Variants in TNFAIP2 observed in about 807,000 individuals in gnomAD.
TNFAIP2 encodes TNF alpha induced protein 2, also known as tumor necrosis factor alpha-induced protein 2.
TNFAIP2 carries 47 observed loss-of-function variants against 63.5 expected under a neutral mutation model. That is an observed-to-expected ratio of 0.74 (90% CI 0.59 to 0.94). The LOEUF is 0.94. Ranked by LOEUF, TNFAIP2 falls within the 40% of genes least tolerant of loss-of-function variation. The pLI is 0.00. For synonymous variants in TNFAIP2, 405 were observed against 390.2 expected (o/e 1.04, Z -0.45); for missense variants, 787 against 850.2 (o/e 0.93, Z 0.92).
Position 103,130,267 on chromosome 14 carries a change from C to T in TNFAIP2, c.1099-48C>T, listed in dbSNP as rs1476160417. 2.6e-6 allele frequency: 4 copies of T among 1,536,568 alleles called. No homozygotes were observed. The South Asian group carries it at 4.8e-5, about 18-fold the overall frequency. ...CCTGTTTCCTCCCCGTCCCCTGCCC[C>T]CTTGTCCAGGCGAGCCCCTGCTCAG... On this transcript the variant is annotated intron_variant, in intron 5 of 11. Coordinates refer to ENST00000560869, the MANE Select transcript of TNFAIP2 (RefSeq NM_006291.4).
chr14:103,132,743 G>A lies in TNFAIP2; in HGVS notation c.1423-7G>A. On this transcript the variant is annotated splice_polypyrimidine_tract_variant and splice_region_variant and intron_variant, in intron 8 of 11. Coordinates refer to ENST00000560869, the MANE Select transcript of TNFAIP2 (RefSeq NM_006291.4). ...CGTGACTAGACATCCTGCCTCTCCT[G>A]TCTCAGCCACTGTTCAAGAGGTTCA... The A allele has an allele frequency of 1.2e-6, 2 of 1,611,964 alleles. No individual in the cohort carries two copies. The highest frequency in any genetic ancestry group is 1.7e-6 in the Non-Finnish European group (2 of 1,179,226).
Position 103,131,647 on chromosome 14 carries a change from T to C in TNFAIP2, c.1307T>C (p.Met436Thr). ...INNCLSFRMS[M>T]EQNWQVPQDT... Reference sequence around the variant, plus strand: ...CTGCCTCCACCTTCCAGGATGTCCATGGAGCAGAATTGGCAGGTACCCCAG... The same window carrying C: ...CTGCCTCCACCTTCCAGGATGTCCACGGAGCAGAATTGGCAGGTACCCCAG... Residue 436 changes from methionine (M) to threonine (T), a missense_variant, in exon 8 of 12, where the codon ATG becomes ACG. This residue lies in a region of TNFAIP2 where 523 missense variants were observed against 604.1 expected (regional missense o/e 0.87). Transcript: ENST00000560869. This position sits in a 1 kb window ranked among gnomAD's most constrained non-coding sequence, Gnocchi z 4.0. 1 of 1,595,684 alleles carries C rather than the reference T, an allele frequency of 6.3e-7. No individual in the cohort carries two copies. Among genetic ancestry groups the C allele is most frequent in the Non-Finnish European group, 8.5e-7 (1 of 1,176,274 alleles).
Position 103,132,832 on chromosome 14 carries a change from G to A in TNFAIP2, c.1505G>A (p.Arg502Lys). Residue 502 changes from arginine (R) to lysine (K), a missense_variant, in exon 9 of 12, where the codon AGG becomes AAG. This residue lies in a region of TNFAIP2 where 523 missense variants were observed against 604.1 expected (regional missense o/e 0.87). Transcript: ENST00000560869. The stretch of plus-strand genomic sequence containing the variant: ...AACATCATCGCCACTGTAGACACGA[G>A]GCTGCCTGAGTTCTCAGAGCTGCAG... ...LENIIATVDT[R>K]LPEFSELQGC... 1 of 1,614,080 alleles carries A rather than the reference G, an allele frequency of 6.2e-7. No homozygotes were observed. Among genetic ancestry groups the A allele is most frequent in the African/African-American group, 1.3e-5 (1 of 75,078 alleles).
intron 2 of TNFAIP2, 88 bp from the exon 3 acceptor site, chr14:103,126,917 T>C (rs1272256804): frequency 1.4e-6 from 2 of 1,390,780 alleles, no homozygotes; most frequent in Non-Finnish European, 1.9e-6. Context: ...TGTGCGCGTC[T>C]AGGGGAGGAC....
intron 1 of TNFAIP2, among the ~76,000 whole-genome samples, chr14:103,125,119 G>C (rs961314393): frequency 6.6e-6 from 1 of 152,252 alleles, no homozygotes; most frequent in Non-Finnish European, 1.5e-5. Context: ...GGCTGTTTCA[G>C]GGGTCACTTG....
chr14:103,130,745 T>C (rs1843928056), intron 6 of TNFAIP2, among the ~76,000 whole-genome samples: 1 of 152,082 alleles, frequency 6.6e-6, no homozygotes, highest in Admixed American at 6.5e-5. Context: ...CCACCTGAAT[T>C]CTCTCTGCTC....
In TNFAIP2 at chr14:103,129,726, T is replaced by C. The variant is rs780925300; in HGVS notation, c.861-14T>C. On this transcript the variant is annotated splice_polypyrimidine_tract_variant and intron_variant, in intron 3 of 11. Coordinates refer to ENST00000560869, the MANE Select transcript of TNFAIP2 (RefSeq NM_006291.4). ...TGGTATAGTTGTCCTCATGCCAGCC[T>C]CCCCTGCCTGCAGTGACATCATCAA... is the stretch of plus-strand genomic sequence containing the variant. 1.2e-6 allele frequency: 2 copies of C among 1,611,440 alleles called. No homozygotes were observed. Among genetic ancestry groups the C allele is most frequent in the East Asian group, 2.2e-5 (1 of 44,828 alleles).
Position 103,135,937 on chromosome 14 carries a change from C to G in TNFAIP2, c.*577C>G, listed in dbSNP as rs1273404094. On this transcript the variant is annotated 3_prime_UTR_variant, in exon 12 of 12. Transcript: ENST00000560869. This position sits in a 1 kb window ranked among gnomAD's most constrained non-coding sequence, Gnocchi z 7.6. ...TCCTGTGGCGAGCTGTGAGCACCGC[C>G]AGCATTAGACGTCACATCCAGGTGG... 7.8e-7 allele frequency: 1 copy of G among 1,289,736 alleles called. No homozygotes were observed. The highest frequency in any genetic ancestry group is 1.0e-6 in the Non-Finnish European group (1 of 989,146). 79.9% of individuals were successfully genotyped at this position (1,289,736 alleles called of 1,614,324 possible). A position where few individuals can be genotyped will look rare whatever the true frequency, so the allele number is the denominator to read the frequency against.
upstream of TNFAIP2, among the ~76,000 whole-genome samples, chr14:103,122,270 A>G (rs989280145): frequency 3.7e-4 from 57 of 152,266 alleles, no homozygotes; most frequent in Admixed American, 1.1e-3. Flanking sequence ...TGGAAGAGGA[A>G]GTTCTCAGTT....
Position 103,126,507 on chromosome 14 carries a change from C to T in TNFAIP2, c.50C>T (p.Ala17Val), listed in dbSNP as rs376249759. 5.7e-6 allele frequency: 9 copies of T among 1,592,456 alleles called. No homozygotes were observed. The African/African-American group carries it at 1.1e-4, about 19-fold the overall frequency. ...CTGGTGCCACCCCTGGAGGCTGGGG[C>T]AGCCCCATATAGGGAGGAGGAAGAG... ...EDLVPPLEAG[A>V]APYREEEEAA... Residue 17 changes from alanine (A) to valine (V), a missense_variant, in exon 2 of 12, where the codon GCA (alanine) becomes GTA (valine). By Grantham distance (64) the Ala-to-Val change is moderately conservative. Coordinates refer to ENST00000560869, the MANE Select transcript of TNFAIP2 (RefSeq NM_006291.4).
In TNFAIP2 at chr14:103,129,792, G is replaced by A. The variant is rs374818031; in HGVS notation, c.913G>A (p.Gly305Arg). The change falls in exon 4 of 12, where the codon GGG (glycine) becomes AGG (arginine). Residue 305 changes from glycine to arginine, a missense_variant. This residue lies in a region of TNFAIP2 where 523 missense variants were observed against 604.1 expected (regional missense o/e 0.87). Transcript: ENST00000560869. ...GGGTGAGCTGCAGGGTATGGGGCTC[G>A]GGAGCCTCCTGCCCCCCAGGCAGAT... ...LVGELQGMGL[G>R]SLLPPRQIRL... 16 of 1,613,966 alleles carry A rather than the reference G, an allele frequency of 9.9e-6. 1 individual carries two copies. The South Asian group carries it at 1.1e-4, about 11-fold the overall frequency.
At position 103,136,127 on chromosome 14, in the gene TNFAIP2, C is replaced by T. The variant is rs1283179747; in HGVS notation, c.*767C>T. The T allele has an allele frequency of 1.0e-6, 1 of 952,536 alleles. No homozygotes were observed. 59.0% of individuals were successfully genotyped at this position (952,536 alleles called of 1,614,324 possible). On this transcript the variant is annotated 3_prime_UTR_variant, in exon 12 of 12. Coordinates refer to ENST00000560869, the MANE Select transcript of TNFAIP2 (RefSeq NM_006291.4). ...GGCTCCCCCTTCCCCAAGGCAGGGA[C>T]AGGCCCTGGGGGTGCCACCGTGGGC...
chr14:103,129,396 G>A (rs776102990), intron 3 of TNFAIP2, among the ~76,000 whole-genome samples: 11 of 152,150 alleles, frequency 7.2e-5, no homozygotes, highest in East Asian at 1.9e-4. Context: ...CAGAGAGGCC[G>A]GGAGGAGGCT....
chr14:103,134,906 C>G (rs940455061), intron 11 of TNFAIP2, among the ~76,000 whole-genome samples: 1 of 152,138 alleles, frequency 6.6e-6, no homozygotes, highest in African/African-American at 2.4e-5. Flanking sequence ...TAGGAGGTGC[C>G]GACTTTAGAG....
At chr14:103,134,835 A>C (rs547156451) in intron 11 of TNFAIP2, among the ~76,000 whole-genome samples, 1 of 152,366 alleles carries the variant, frequency 6.6e-6, no homozygotes, top group African/African-American at 2.4e-5. Context: ...TAATGACATA[A>C]TCAGGCAAAG....
intron 1 of TNFAIP2, among the ~76,000 whole-genome samples, chr14:103,125,932 C>T (rs1340089802): frequency 6.6e-6 from 1 of 152,210 alleles, no homozygotes; most frequent in Admixed American, 6.5e-5. Flanking sequence ...CCATGCCCCG[C>T]CTCTTCCCTA....
At position 103,127,044 on chromosome 14, in the gene TNFAIP2, A is replaced by G; in HGVS notation, c.275A>G (p.Glu92Gly). Residue 92 changes from glutamate to glycine, a missense_variant, in exon 3 of 12, where the codon GAG (glutamate) becomes GGG (glycine). By Grantham distance (98) the Glu-to-Gly change is moderately conservative. Transcript: ENST00000560869. This position sits in a 1 kb window ranked among gnomAD's most constrained non-coding sequence, Gnocchi z 5.1. ...GCGGCGCTGGAGCGCGGGCAGCTGGAGGCGGCGCGGCCGCTGCTGGCGCTG... is the reference window on the plus strand; with the variant it reads ...GCGGCGCTGGAGCGCGGGCAGCTGGGGGCGGCGCGGCCGCTGCTGGCGCTG... The part of the protein sequence containing the change: ...LKAALERGQL[E>G]AARPLLALER... The G allele has an allele frequency of 1.7e-6, 2 of 1,156,670 alleles. No homozygotes were observed. The highest frequency in any genetic ancestry group is 2.1e-6 in the Non-Finnish European group (2 of 938,902). 71.7% of individuals were successfully genotyped at this position (1,156,670 alleles called of 1,614,324 possible). A position where few individuals can be genotyped will look rare whatever the true frequency, so the allele number is the denominator to read the frequency against.
chr14:103,121,697 CGGT>C (rs1891109094), upstream of TNFAIP2, among the ~76,000 whole-genome samples: 1 of 152,192 alleles, frequency 6.6e-6, no homozygotes, highest in South Asian at 2.1e-4. Flanking sequence ...AATCCCCAGC[CGGT>C]GCTCTGGGCG....
In TNFAIP2 at chr14:103,131,046, C is replaced by G. The variant is rs773258278; in HGVS notation, c.1200-6C>G. 5 of 1,614,056 alleles carry G rather than the reference C, an allele frequency of 3.1e-6. No homozygotes were observed. The South Asian group carries it at 5.5e-5, about 18-fold the overall frequency. On this transcript the variant is annotated splice_polypyrimidine_tract_variant and splice_region_variant and intron_variant, in intron 6 of 11. Transcript: ENST00000560869. This position sits in a 1 kb window ranked among gnomAD's most constrained non-coding sequence, Gnocchi z 4.0. Reference sequence around the variant, plus strand: ...GTCCTGAATGTGCCCCTTCTGGTTTCGCCAGCTACCAGCGCGCCTTTAATG... The same window carrying G: ...GTCCTGAATGTGCCCCTTCTGGTTTGGCCAGCTACCAGCGCGCCTTTAATG...
Sources: gnomAD v4.1 joint callset for allele counts (sites outside exome capture counted in the v4.1 genomes callset) on GRCh38, gnomAD v4.1.1 for gene constraint, gnomAD v4.1.1 regional missense constraint, Gnocchi (gnomAD v3.1) non-coding constraint, MANE v1.5 for transcripts, NCBI Gene and HGNC (gene_info 2026-07-23, HGNC 2026-07-21) for gene names.